The following EVPL variants were observed in gnomAD, a reference collection of about 807,000 sequenced individuals.
EVPL encodes the protein 210 kDa cornified envelope precursor protein.
Under a neutral mutation model 129.7 loss-of-function variants are expected in EVPL, and 94 were observed. The observed-to-expected ratio is 0.72, with a 90% CI of 0.61 to 0.86. The LOEUF is 0.86. EVPL is among the 40% of genes least tolerant of loss of function. The pLI is 0.00. For missense variants in EVPL, 2,625 were observed against 2,721.1 expected, an observed-to-expected ratio of 0.96 and a Z score of 0.79; for synonymous variants, 1,172 against 1,191.1, an observed-to-expected ratio of 0.98 and a Z score of 0.33.
In EVPL at chr17:76,007,951, C is replaced by T. The variant is rs766413256; in HGVS notation, c.5254G>A (p.Ala1752Thr). 8.1e-6 allele frequency: 13 copies of T among 1,613,946 alleles called. No homozygotes were observed. Among genetic ancestry groups the T allele is most frequent in the East Asian group, 2.2e-5 (1 of 44,896 alleles). ...KSGKQYSIEA[A>T]LRCRRISKEE... ...TTAGAGATGCGCCGGCAGCGGAGGG[C>T]GGCCTCGATGGAGTACTGCTTCCCG... is the stretch of plus-strand genomic sequence containing the variant. Residue 1752 changes from alanine to threonine, a missense_variant, in exon 22 of 22, where the codon GCC becomes ACC. Physicochemically the swap from Ala to Thr is moderately conservative, Grantham distance 58 (BLOSUM62 0). This residue lies in a region of EVPL where 1,453 missense variants were observed against 1,511.8 expected (regional missense o/e 0.96). Coordinates refer to ENST00000301607, the MANE Select transcript of EVPL (RefSeq NM_001988.4). The surrounding 1 kb of genome is among the most constrained non-coding windows in gnomAD (Gnocchi z 8.8).
chr17:76,008,022 G>T lies in EVPL; in HGVS notation c.5183C>A (p.Thr1728Asn), dbSNP rs2066335968. Residue 1728 changes from threonine (T) to asparagine (N), a missense_variant, in exon 22 of 22, where the codon ACC becomes AAC. This residue lies in a region of EVPL where 1,453 missense variants were observed against 1,511.8 expected (regional missense o/e 0.96). Coordinates refer to ENST00000301607, the MANE Select transcript of EVPL (RefSeq NM_001988.4). The surrounding 1 kb of genome is among the most constrained non-coding windows in gnomAD (Gnocchi z 7.4). ...ELECDWEEVT[T>N]SGPCGEESVL... The stretch of plus-strand genomic sequence containing the variant: ...AGACTCCTCCCCACAGGGCCCCGAG[G>T]TGGTGACCTCCTCCCAGTCACACTC... 6.2e-7 allele frequency: 1 copy of T among 1,614,010 alleles called. No individual in the cohort carries two copies. The highest frequency in any genetic ancestry group is 1.3e-5 in the African/African-American group (1 of 74,928).
At chr17:76,011,108 C>T (rs145375734) in intron 21 of EVPL, among the ~76,000 whole-genome samples, 61 of 152,342 alleles carry the variant, frequency 4.0e-4, no homozygotes, top group African/African-American at 1.4e-3. Flanking sequence ...ACAGGTTCTC[C>T]CTGTCCCTCC....
chr17:76,009,274 T>G lies in EVPL; in HGVS notation c.3931A>C (p.Lys1311Gln). The change falls in exon 22 of 22, where the codon AAG becomes CAG. Residue 1311 changes from lysine to glutamine, a missense_variant. Coordinates refer to ENST00000301607, the MANE Select transcript of EVPL (RefSeq NM_001988.4). The surrounding 1 kb of genome is among the most constrained non-coding windows in gnomAD (Gnocchi z 5.9). ...WRRERAKVETKTVSKEVVRHE... is the reference protein window; with the variant it reads ...WRRERAKVETQTVSKEVVRHE... The stretch of plus-strand genomic sequence containing the variant: ...CGCACCACCTCCTTGCTCACCGTCT[T>G]GGTCTCCACCTTGGCCCGCTCGCGC... 6.2e-7 allele frequency: 1 copy of G among 1,608,016 alleles called. No homozygotes were observed. The highest frequency in any genetic ancestry group is 1.7e-4 in the Middle Eastern group (1 of 6,058).
At position 76,022,344 on chromosome 17, in the gene EVPL, AGCTCCG is replaced by A; in HGVS notation, c.606+63_606+68del. The A allele has an allele frequency of 6.2e-7, 1 of 1,608,080 alleles. No individual in the cohort carries two copies. The highest frequency in any genetic ancestry group is 2.2e-5 in the East Asian group (1 of 44,776). ...CCTATCCCCAGGGCCCAGCCGATCTAGCTCCGGCTCTGACTGGAGAAACGGGCTGGG... is the reference window on the plus strand; with the variant it reads ...CCTATCCCCAGGGCCCAGCCGATCTAGCTCTGACTGGAGAAACGGGCTGGG... On this transcript the variant is annotated intron_variant, in intron 5 of 21. Transcript: ENST00000301607. The surrounding 1 kb of genome is among the most constrained non-coding windows in gnomAD (Gnocchi z 5.6).
At position 76,023,617 on chromosome 17, in the gene EVPL, T is replaced by G. The variant is rs572556679; in HGVS notation, c.236A>C (p.His79Pro). 6.2e-7 allele frequency: 1 copy of G among 1,605,696 alleles called. No homozygotes were observed. The highest frequency in any genetic ancestry group is 1.3e-5 in the African/African-American group (1 of 74,800). ...LNSEQSQALQ[H>P]QQETGRSLKE... Reference sequence around the variant, plus strand: ...CAGGCTGCGGCCCGTCTCCTGCTGGTGCTGCAGGGCCTGGCTCTGCTCACT... The same window carrying G: ...CAGGCTGCGGCCCGTCTCCTGCTGGGGCTGCAGGGCCTGGCTCTGCTCACT... The change falls in exon 3 of 22, where the codon CAC (histidine) becomes CCC (proline). Residue 79 changes from histidine to proline, a missense_variant. This residue lies in a region of EVPL where 139 missense variants were observed against 186.8 expected (regional missense o/e 0.74). Coordinates refer to ENST00000301607, the MANE Select transcript of EVPL (RefSeq NM_001988.4).
chr17:76,018,656 C>A, intron 11 of EVPL, 56 bp from the exon 12 acceptor site: 1 of 1,541,210 alleles, frequency 6.5e-7, no homozygotes. Context: ...GGGCCAAGGC[C>A]AGGGCAGAGT....
Position 76,024,654 on chromosome 17 carries a change from G to A in EVPL, c.99-534C>T, listed in dbSNP as rs569698789. 3.9e-5 allele frequency among the ~76,000 whole-genome samples: 6 copies of A among 152,266 alleles called. No homozygotes were observed. Among genetic ancestry groups the A allele is most frequent in the Admixed American group, 3.9e-4 (6 of 15,290 alleles). On this transcript the variant is annotated intron_variant, in intron 1 of 21. Coordinates refer to ENST00000301607, the MANE Select transcript of EVPL (RefSeq NM_001988.4). This position sits in a 1 kb window ranked among gnomAD's most constrained non-coding sequence, Gnocchi z 4.5. The stretch of plus-strand genomic sequence containing the variant: ...CTGGCTTCAGTAGCCATCTAGAGGA[G>A]CCTCACACTGTCGGAGCCGGGGAGG...
At position 76,027,143 on chromosome 17, in the gene EVPL, G is replaced by T; in HGVS notation, c.56C>A (p.Pro19His). Residue 19 changes from proline to histidine, a missense_variant, in exon 1 of 22, where the codon CCC becomes CAC. By Grantham distance (77) the Pro-to-His change is moderately conservative (BLOSUM62 -2). Around this residue, in one of 4 missense-constraint regions of EVPL, gnomAD observed 139 missense variants for 186.8 expected, o/e 0.74. Transcript: ENST00000301607. ...GGAGCCTTTGGGGGACCCCTTGGCG[G>T]GGGAGCCCTTGGGGGACCCCTTCCC... The part of the protein sequence containing the change: ...SQGKGSPKGS[P>H]AKGSPKGSPS... The T allele has an allele frequency of 2.6e-6, 4 of 1,563,110 alleles. No homozygotes were observed. The South Asian group carries it at 4.8e-5, about 19-fold the overall frequency.
In EVPL at chr17:76,011,880, G is replaced by T. The variant is rs938451049; in HGVS notation, c.2460C>A (p.Asp820Glu). 7 of 1,613,372 alleles carry T rather than the reference G, an allele frequency of 4.3e-6. No homozygotes were observed. The highest frequency in any genetic ancestry group is 5.9e-6 in the Non-Finnish European group (7 of 1,179,816). ...LSQALQAALQ[D>E]YELQADTYRC... ...GGTAGGTGTCTGCCTGGAGCTCATA[G>T]TCCTGAGCAGGGAGGAAAGGACAGC... Residue 820 changes from aspartate to glutamate, a missense_variant and splice_region_variant, in exon 20 of 22, where the codon GAC becomes GAA. By Grantham distance (45) the Asp-to-Glu change is conservative. Coordinates refer to ENST00000301607, the MANE Select transcript of EVPL (RefSeq NM_001988.4).
chr17:76,010,134 C>T lies in EVPL; in HGVS notation c.3071G>A (p.Arg1024Lys), dbSNP rs1186602421. The T allele has an allele frequency of 6.2e-7, 1 of 1,614,110 alleles. No homozygotes were observed. Among genetic ancestry groups the T allele is most frequent in the East Asian group, 2.2e-5 (1 of 44,872 alleles). ...LLTKEVTQVE[R>K]DPGLDSQAAQ... ...CGCCTGGCTGTCCAGGCCGGGGTCCCTCTCCACCTGGGTGACCTCCTTGGT... is the reference window on the plus strand; with the variant it reads ...CGCCTGGCTGTCCAGGCCGGGGTCCTTCTCCACCTGGGTGACCTCCTTGGT... The change falls in exon 22 of 22, where the codon AGG becomes AAG. Residue 1024 changes from arginine to lysine, a missense_variant. Arg to Lys is a conservative substitution (Grantham distance 26). Around this residue, in one of 4 missense-constraint regions of EVPL, gnomAD observed 1,453 missense variants for 1,511.8 expected, o/e 0.96. Coordinates refer to ENST00000301607, the MANE Select transcript of EVPL (RefSeq NM_001988.4).
chr17:76,027,062 C>T, intron 1 of EVPL, 39 bp downstream of exon 1: 7 of 1,230,792 alleles, frequency 5.7e-6, no homozygotes, highest in Non-Finnish European at 7.8e-6. Context: ...ACCACCCCCA[C>T]CCCAGTTCCC....
In EVPL at chr17:76,009,209, C is replaced by T. The variant is rs1301174074; in HGVS notation, c.3996G>A (p.Arg1332=). The T allele has an allele frequency of 3.7e-6, 6 of 1,609,214 alleles. No individual in the cohort carries two copies. Among genetic ancestry groups the T allele is most frequent in the South Asian group, 3.3e-5 (3 of 91,074 alleles). The change falls in exon 22 of 22, where the codon CGG becomes CGA. Residue 1332 remains arginine, a synonymous_variant. Transcript: ENST00000301607. This position sits in a 1 kb window ranked among gnomAD's most constrained non-coding sequence, Gnocchi z 5.9. Reference sequence around the variant, plus strand: ...CCGCCTCCCGCACCTCCTGGCGGAGCCGCTCTGCTTCTTTCTCCAGCACCG... The same window carrying T: ...CCGCCTCCCGCACCTCCTGGCGGAGTCGCTCTGCTTCTTTCTCCAGCACCG... The part of the protein sequence containing the change: ...KDPVLEKEAE[R]LRQEVREAAQ...
At position 76,007,337 on chromosome 17, in the gene EVPL, C is replaced by A. The variant is rs778737774; in HGVS notation, c.5868G>T (p.Gln1956His). 6.4e-7 allele frequency: 1 copy of A among 1,569,414 alleles called. No individual in the cohort carries two copies. Among genetic ancestry groups the A allele is most frequent in the Non-Finnish European group, 8.7e-7 (1 of 1,153,448 alleles). Residue 1956 changes from glutamine to histidine, a missense_variant, in exon 22 of 22, where the codon CAG (glutamine) becomes CAT (histidine). Gln to His is a conservative substitution (Grantham distance 24). Around this residue, in one of 4 missense-constraint regions of EVPL, gnomAD observed 1,453 missense variants for 1,511.8 expected, o/e 0.96. Transcript: ENST00000301607. This position sits in a 1 kb window ranked among gnomAD's most constrained non-coding sequence, Gnocchi z 8.8. ...TGATCATCCCGGAGAGGAGGGCCTGCTGGATGGGGATGCGGCCTGTCCTCT... is the reference window on the plus strand; with the variant it reads ...TGATCATCCCGGAGAGGAGGGCCTGATGGATGGGGATGCGGCCTGTCCTCT... Reference protein sequence around the residue: ...DPKRTGRIPIQQALLSGMISE... With the variant: ...DPKRTGRIPIHQALLSGMISE...
rs1261465067 is a variant in EVPL at position 76,009,883 on chromosome 17, G to A, written c.3322C>T (p.Gln1108Ter). 2 of 1,614,090 alleles carry A rather than the reference G, an allele frequency of 1.2e-6. No individual in the cohort carries two copies. Residue 1108 changes from glutamine to a stop codon, truncating the protein, a stop_gained, in exon 22 of 22, where the codon CAG becomes TAG. Coordinates refer to ENST00000301607, the MANE Select transcript of EVPL (RefSeq NM_001988.4). LOFTEE classifies it low-confidence loss of function (END_TRUNC). The surrounding 1 kb of genome is among the most constrained non-coding windows in gnomAD (Gnocchi z 5.9). ...AGCTTGGCCACAGCCTCCTCCGCCT[G>A]CTTCCTCCGCGCAGCATCCTCCTCC... ...QMEEDAARRK[Q>*]AEEAVAKLQA...
Position 76,012,081 on chromosome 17 carries a change from C to T in EVPL, c.2382G>A (p.Thr794=), listed in dbSNP as rs779710207. The part of the protein sequence containing the change: ...AYKLQAQKRL[T]QEIQSRERDR... The stretch of plus-strand genomic sequence containing the variant: ...CCCGCTCTCGGCTCTGGATCTCCTG[C>T]GTCAGCCTCTGCCAGGGAAGAACCC... Residue 794 remains threonine (T), a synonymous_variant, in exon 19 of 22, where the codon ACG becomes ACA. Transcript: ENST00000301607. 20 of 1,610,002 alleles carry T rather than the reference C, an allele frequency of 1.2e-5. No homozygotes were observed. The highest frequency in any genetic ancestry group is 9.4e-5 in the African/African-American group (7 of 74,846).
In EVPL at chr17:76,023,424, A is replaced by C. The variant is rs769288304; in HGVS notation, c.354-6T>G. ...GCTCGTGCAGCTGCTTGATGCTGTC[A>C]AGAAGGTGGCCGGCAGGTCAGGGCT... On this transcript the variant is annotated splice_polypyrimidine_tract_variant and splice_region_variant and intron_variant, in intron 3 of 21. Coordinates refer to ENST00000301607, the MANE Select transcript of EVPL (RefSeq NM_001988.4). 1 of 1,613,550 alleles carries C rather than the reference A, an allele frequency of 6.2e-7. No individual in the cohort carries two copies. Among genetic ancestry groups the C allele is most frequent in the Non-Finnish European group, 8.5e-7 (1 of 1,179,982 alleles).
In EVPL at chr17:76,021,833, C is replaced by A. The variant is rs746401276; in HGVS notation, c.807+34G>T. On this transcript the variant is annotated intron_variant, in intron 7 of 21. Transcript: ENST00000301607. The stretch of plus-strand genomic sequence containing the variant: ...CGGTGAGGACCCGGATGGCCCTGGC[C>A]GCCCCCACCTGGCCCCGACCTCTGC... 2.6e-6 allele frequency: 4 copies of A among 1,566,890 alleles called. No homozygotes were observed. In the South Asian group the frequency reaches 3.5e-5, roughly 14 times the overall value.
At chr17:76,025,141 T>C (rs1337296648) in intron 1 of EVPL, among the ~76,000 whole-genome samples, 3 of 152,258 alleles carry the variant, frequency 2.0e-5, no homozygotes, top group Non-Finnish European at 2.9e-5. Flanking sequence ...TCTCTGTGCC[T>C]GAGGTTCCTC....
chr17:76,022,602 G>T lies in EVPL; in HGVS notation c.481-64C>A, dbSNP rs936007285. ...GGTGGGGAGCCAGAGAACCCCACACGCCTCCCACCCGGAGAAGTGGACTTG... is the reference window on the plus strand; with the variant it reads ...GGTGGGGAGCCAGAGAACCCCACACTCCTCCCACCCGGAGAAGTGGACTTG... On this transcript the variant is annotated intron_variant, in intron 4 of 21. Coordinates refer to ENST00000301607, the MANE Select transcript of EVPL (RefSeq NM_001988.4). This position sits in a 1 kb window ranked among gnomAD's most constrained non-coding sequence, Gnocchi z 5.6. 1.3e-6 allele frequency: 2 copies of T among 1,529,206 alleles called. No individual in the cohort carries two copies. Among genetic ancestry groups the T allele is most frequent in the African/African-American group, 2.7e-5 (2 of 72,886 alleles). 94.7% of individuals were successfully genotyped at this position (1,529,206 alleles called of 1,614,324 possible).
Sources: allele counts gnomAD v4.1 joint callset (sites outside exome capture counted in the v4.1 genomes callset), GRCh38; gene constraint gnomAD v4.1.1; regional missense constraint gnomAD v4.1.1; non-coding constraint Gnocchi (gnomAD v3.1); transcripts MANE v1.5; gene names NCBI Gene and HGNC (gene_info 2026-07-23, HGNC 2026-07-21).